Variants in CRY1 observed in about 807,000 individuals in gnomAD.
The protein encoded by CRY1 is cryptochrome-1.
CRY1 carries 45 observed loss-of-function variants against 76.0 expected under a neutral mutation model. The ratio of observed to expected loss-of-function variants is 0.59; its 90% CI spans 0.47 to 0.76. CRY1 has a LOEUF of 0.76. Among genes scored for constraint, CRY1 ranks in the 30% least tolerant of loss-of-function variants. The pLI is 0.00. For missense variants in CRY1, 587 were observed against 716.4 expected, an observed-to-expected ratio of 0.82 and a Z score of 2.06; for synonymous variants, 248 against 244.0, an observed-to-expected ratio of 1.02 and a Z score of -0.15.
At chr12:107,013,996 T>C (rs7305573) in intron 2 of CRY1, among the ~76,000 whole-genome samples, 1,765 of 152,304 alleles carry the variant, frequency 0.012, 43 homozygotes, top group African/African-American at 0.039. Flanking sequence ...AAAGTACCAA[T>C]TGCAGAAAGC....
At chr12:107,047,889 T>C (rs932408893) in intron 1 of CRY1, among the ~76,000 whole-genome samples, 15 of 151,388 alleles carry the variant, frequency 9.9e-5, no homozygotes, top group African/African-American at 3.2e-4. Flanking sequence ...CCAAAATTCA[T>C]AGAGAAAAAA....
chr12:107,031,758 C>A (rs926057800), intron 1 of CRY1, among the ~76,000 whole-genome samples: 2 of 152,008 alleles, frequency 1.3e-5, no homozygotes, highest in African/African-American at 4.8e-5. Flanking sequence ...GACCAGTACT[C>A]AAAACCACAG....
In CRY1 at chr12:106,999,749, A is replaced by T; in HGVS notation, c.939T>A (p.Pro313=). The part of the protein sequence containing the change: ...NPRFDKMEGN[P]ICVQIPWDKN... ...TATCCCAAGGAATCTGAACACAGAT[A>T]GGGTTTCCTTCCATTTTATCAAAGC... is the stretch of plus-strand genomic sequence containing the variant. The change falls in exon 7 of 13, where the codon CCT becomes CCA. Residue 313 remains proline, a synonymous_variant. Transcript: ENST00000008527. 6.2e-7 allele frequency: 1 copy of T among 1,614,236 alleles called. No homozygotes were observed. The highest frequency in any genetic ancestry group is 1.1e-5 in the South Asian group (1 of 91,084).
intron 2 of CRY1, among the ~76,000 whole-genome samples, chr12:107,006,556 A>ATT (rs1952376567): frequency 6.6e-6 from 1 of 152,066 alleles, no homozygotes; most frequent in South Asian, 2.1e-4. Flanking sequence ...TGTACCAGAA[A>ATT]GACTGTACAA....
At chr12:107,086,342 T>C (rs192513287) in intron 1 of CRY1, among the ~76,000 whole-genome samples, 18 of 152,284 alleles carry the variant, frequency 1.2e-4, no homozygotes, top group Admixed American at 1.1e-3. Context: ...AAATCCAAAC[T>C]ACCTAGCCCC....
At chr12:107,045,176 T>C (rs1182748949) in intron 1 of CRY1, among the ~76,000 whole-genome samples, 1 of 152,078 alleles carries the variant, frequency 6.6e-6, no homozygotes, top group South Asian at 2.1e-4. Context: ...TAATAGCAGA[T>C]TTCTCTGAAG....
chr12:107,008,115 C>T (rs568782804), intron 2 of CRY1, among the ~76,000 whole-genome samples: 8 of 152,114 alleles, frequency 5.3e-5, no homozygotes, highest in South Asian at 2.1e-4. Flanking sequence ...CCCTATAAAA[C>T]GTATCACATA....
intron 1 of CRY1, among the ~76,000 whole-genome samples, chr12:107,085,826 T>TA (rs1306231158): frequency 2.7e-4 from 40 of 149,844 alleles, no homozygotes; most frequent in Admixed American, 1.1e-3. Context: ...CTTAAAGTAT[T>TA]AAAAAAAAAG....
intron 10 of CRY1, among the ~76,000 whole-genome samples, chr12:106,995,736 C>A (rs936338854): frequency 6.6e-6 from 1 of 151,970 alleles, no homozygotes; most frequent in African/African-American, 2.4e-5. Context: ...TGGGGGTTTG[C>A]TGCACAGATC....
chr12:107,093,542 G>C lies in CRY1; in HGVS notation c.-581C>G, dbSNP rs1483283382. ...GGTGACCGGTCCCGAGGCTGCCCGGGTGACTCTGCCGCCGCCGCCGCGTCA... is the reference window on the plus strand; with the variant it reads ...GGTGACCGGTCCCGAGGCTGCCCGGCTGACTCTGCCGCCGCCGCCGCGTCA... On this transcript the variant is annotated 5_prime_UTR_variant, in exon 1 of 13. Transcript: ENST00000008527. The C allele has an allele frequency of 1.3e-5, 2 of 152,288 alleles. No homozygotes were observed. The highest frequency in any genetic ancestry group is 1.9e-4 in the East Asian group (1 of 5,174). The allele number at this position is 152,288 out of a possible 1,614,324, so 9.4% of individuals were successfully genotyped here. A position where few individuals can be genotyped will look rare whatever the true frequency, so the allele number is the denominator to read the frequency against.
chr12:107,077,809 A>T (rs1352271383), intron 1 of CRY1, among the ~76,000 whole-genome samples: 3 of 151,894 alleles, frequency 2.0e-5, no homozygotes, highest in African/African-American at 7.3e-5. Context: ...TTCCAACCTG[A>T]ATCATTTCCC....
At chr12:107,025,945 AC>A (rs1317333430) in intron 1 of CRY1, among the ~76,000 whole-genome samples, 4 of 150,834 alleles carry the variant, frequency 2.7e-5, no homozygotes, top group African/African-American at 4.9e-5. Flanking sequence ...GGCTTGGAAT[AC>A]CTTTCCCAAT....
intron 1 of CRY1, chr12:107,050,043 G>C (rs929925709): frequency 6.6e-6 from 1 of 152,126 alleles, no homozygotes; most frequent in African/African-American, 2.4e-5. Context: ...AAGGAAGTAA[G>C]GAGATAAAGA....
intron 1 of CRY1, among the ~76,000 whole-genome samples, chr12:107,054,619 C>A: frequency 1.5e-5 from 2 of 129,078 alleles, no homozygotes; most frequent in Non-Finnish European, 1.7e-5. Context: ...ATGCTATTTA[C>A]AAGAGACATC....
chr12:107,063,521 G>C (rs1038058944), intron 1 of CRY1, among the ~76,000 whole-genome samples: 2 of 152,324 alleles, frequency 1.3e-5, no homozygotes, highest in Non-Finnish European at 2.9e-5. Flanking sequence ...CAACAGGCTA[G>C]GGGGCAAATA....
At chr12:107,074,491 CTCT>C (rs1432901287) in intron 1 of CRY1, among the ~76,000 whole-genome samples, 2 of 152,204 alleles carry the variant, frequency 1.3e-5, no homozygotes, top group African/African-American at 2.4e-5. Context: ...CAATAGAATT[CTCT>C]TTTTTTTAAA....
intron 1 of CRY1, among the ~76,000 whole-genome samples, chr12:107,059,365 C>T (rs1369423237): frequency 2.6e-5 from 4 of 152,124 alleles, no homozygotes; most frequent in African/African-American, 9.7e-5. Flanking sequence ...GGCCCTTCTG[C>T]CTCAGCCTCC....
intron 1 of CRY1, among the ~76,000 whole-genome samples, chr12:107,082,715 A>G (rs182328055): frequency 3.3e-5 from 5 of 152,340 alleles, no homozygotes; most frequent in Non-Finnish European, 4.4e-5. Context: ...GGAAATTTAT[A>G]GCACTAAATG....
At chr12:107,053,067 T>A (rs1361351136) in intron 1 of CRY1, among the ~76,000 whole-genome samples, 1 of 152,136 alleles carries the variant, frequency 6.6e-6, no homozygotes, top group Non-Finnish European at 1.5e-5. Flanking sequence ...AGAGCCCATA[T>A]AATTTAATCA....
Sources: allele counts gnomAD v4.1 joint callset (sites outside exome capture counted in the v4.1 genomes callset), GRCh38; gene constraint gnomAD v4.1.1; transcripts MANE v1.5; gene names NCBI Gene and HGNC (gene_info 2026-07-23, HGNC 2026-07-21).